Variants in SLC35F4 observed in about 807,000 individuals in gnomAD.
SLC35F4 encodes the protein solute carrier family 35 member F4, also known as chromosome 14 open reading frame 36.
A neutral mutation model predicts 44.2 loss-of-function variants in SLC35F4; 24 were observed. That is an observed-to-expected ratio of 0.54 (90% CI 0.39 to 0.76). SLC35F4 has a LOEUF of 0.76. Among genes scored for constraint, SLC35F4 ranks in the 30% least tolerant of loss-of-function variants. The pLI is 0.00. For synonymous variants in SLC35F4, 238 were observed against 223.6 expected (o/e 1.06, Z -0.57); for missense variants, 562 against 586.1 (o/e 0.96, Z 0.42).
intron 1 of SLC35F4, among the ~76,000 whole-genome samples, chr14:57,625,069 C>A (rs2072406259): frequency 6.6e-6 from 1 of 152,094 alleles, no homozygotes; most frequent in Non-Finnish European, 1.5e-5. Context: ...TCATCTCAGC[C>A]CAAAATCTCC....
At chr14:57,796,806 GCACACAAACACACATA>G (rs2078064096) in intron 1 of SLC35F4, among the ~76,000 whole-genome samples, 1 of 152,072 alleles carries the variant, frequency 6.6e-6, no homozygotes. Flanking sequence ...GCACACACTT[GCACACAAACACACATA>G]CACACAAACC....
rs1301794332 is a variant in SLC35F4 at position 57,956,266 on chromosome 14, T to C, written n.282+25647A>G. Reference sequence around the variant, plus strand: ...AGAAAACTGAAACTAGACCCCTTCCTTACACCTTATACAAAAAATTAGCTC... The same window carrying C: ...AGAAAACTGAAACTAGACCCCTTCCCTACACCTTATACAAAAAATTAGCTC... On this transcript the variant is annotated intron_variant and non_coding_transcript_variant, in intron 1 of 1. Transcript: ENST00000556568. Among the ~76,000 whole-genome samples the C allele has an allele frequency of 3.9e-5, 6 of 152,276 alleles. No individual in the cohort carries two copies. The East Asian group carries it at 7.7e-4, about 20-fold the overall frequency.
intron 1 of SLC35F4, among the ~76,000 whole-genome samples, chr14:57,841,296 G>C (rs867713510): frequency 6.6e-6 from 1 of 152,192 alleles, no homozygotes; most frequent in Non-Finnish European, 1.5e-5. Flanking sequence ...GTAGGTAGTA[G>C]AGACCAGGCA....
intron 1 of SLC35F4, among the ~76,000 whole-genome samples, chr14:57,936,032 C>T (rs1295912476): frequency 6.6e-6 from 1 of 152,178 alleles, no homozygotes; most frequent in Non-Finnish European, 1.5e-5. Context: ...TTTACTGCTT[C>T]TCTGAATTAC....
chr14:57,837,944 T>C (rs1885102437), intron 1 of SLC35F4, among the ~76,000 whole-genome samples: 1 of 152,236 alleles, frequency 6.6e-6, no homozygotes, highest in Non-Finnish European at 1.5e-5. Context: ...TTTTCCGTTT[T>C]ATGGTTACCA....
chr14:57,647,243 T>A (rs61539918), intron 1 of SLC35F4, among the ~76,000 whole-genome samples: 41,345 of 147,142 alleles, frequency 0.28, 5,967 homozygotes, highest in East Asian at 0.46. Flanking sequence ...CCCATTATTA[T>A]TGTGTGGGAG....
chr14:57,791,796 G>A (rs1184525932), intron 1 of SLC35F4, among the ~76,000 whole-genome samples: 2 of 152,142 alleles, frequency 1.3e-5, no homozygotes, highest in Non-Finnish European at 2.9e-5. Context: ...AAAAAAAGAT[G>A]AGTTCATGCC....
At position 57,888,045 on chromosome 14, in the gene SLC35F4, A is replaced by G. The variant is rs138079327; in HGVS notation, n.282+93868T>C. On this transcript the variant is annotated intron_variant and non_coding_transcript_variant, in intron 1 of 1. Coordinates refer to the SLC35F4 transcript ENST00000556568. ...CTGGCATCTCAGTTAAACTCTTTTA[A>G]AAGTCCCCCATGGAGTTCTTCATTG... Among the ~76,000 whole-genome samples the G allele has an allele frequency of 1.3e-5, 2 of 152,234 alleles. 1 individual carries two copies. The highest frequency in any genetic ancestry group is 3.9e-4 in the East Asian group (2 of 5,166).
intron 1 of SLC35F4, among the ~76,000 whole-genome samples, chr14:57,833,084 A>ACAAAAGTT (rs1375416584): frequency 6.6e-6 from 1 of 152,230 alleles, no homozygotes; most frequent in Non-Finnish European, 1.5e-5. Flanking sequence ...AAGAACAAGA[A>ACAAAAGTT]CAAAAGTTCT....
intron 1 of SLC35F4, among the ~76,000 whole-genome samples, chr14:57,863,097 C>A (rs1486159843): frequency 6.6e-6 from 1 of 152,182 alleles, no homozygotes. Flanking sequence ...GAACTCCCGG[C>A]CTCAAGCAAT....
chr14:57,672,447 A>ATCTT (rs1282340927), intron 1 of SLC35F4, among the ~76,000 whole-genome samples: 3 of 152,106 alleles, frequency 2.0e-5, no homozygotes, highest in Admixed American at 1.3e-4. Context: ...GATGACATAC[A>ATCTT]TCTTTCTAAT....
chr14:57,667,191 TGGGGGAGGGAGGGA>T (rs929665759), intron 1 of SLC35F4, among the ~76,000 whole-genome samples: 1 of 113,696 alleles, frequency 8.8e-6, no homozygotes, highest in African/African-American at 3.4e-5. Context: ...CCTGCAAGCA[TGGGGGAGGGAGGGA>T]AGGGGAGGGA....
intron 1 of SLC35F4, among the ~76,000 whole-genome samples, chr14:57,601,100 A>G (rs1409250145): frequency 6.6e-6 from 1 of 152,016 alleles, no homozygotes; most frequent in Admixed American, 6.5e-5. Flanking sequence ...TTTAATAAAT[A>G]AATATGTTTT....
chr14:57,864,983 C>A (rs970142550), intron 1 of SLC35F4, among the ~76,000 whole-genome samples: 4 of 152,116 alleles, frequency 2.6e-5, no homozygotes, highest in Non-Finnish European at 5.9e-5. Context: ...CGCCGCATGA[C>A]CTCGCTTAGC....
At chr14:57,917,191 G>T (rs1395833519) in intron 1 of SLC35F4, among the ~76,000 whole-genome samples, 2 of 152,100 alleles carry the variant, frequency 1.3e-5, no homozygotes, top group African/African-American at 4.8e-5. Flanking sequence ...CTCCCGAGTA[G>T]CTGGGATTAC....
chr14:57,770,909 G>C (rs994801538), intron 1 of SLC35F4, among the ~76,000 whole-genome samples: 1 of 152,092 alleles, frequency 6.6e-6, no homozygotes, highest in Non-Finnish European at 1.5e-5. Context: ...GCATACTCAG[G>C]GGATAAGATT....
intron 1 of SLC35F4, among the ~76,000 whole-genome samples, chr14:57,815,708 C>T (rs562070289): frequency 6.6e-6 from 1 of 152,168 alleles, no homozygotes; most frequent in East Asian, 1.9e-4. Flanking sequence ...CACATTATTC[C>T]CTTTTAGTCC....
chr14:57,812,664 G>C (rs749259634), intron 1 of SLC35F4, among the ~76,000 whole-genome samples: 1 of 152,050 alleles, frequency 6.6e-6, no homozygotes, highest in Non-Finnish European at 1.5e-5. Flanking sequence ...ATGACTTGGG[G>C]CAAGTTTGTT....
In SLC35F4 at chr14:57,879,431, C is replaced by T. The variant is rs543145103; in HGVS notation, n.282+102482G>A. 5.3e-5 allele frequency among the ~76,000 whole-genome samples: 8 copies of T among 152,164 alleles called. 1 individual carries two copies. Among genetic ancestry groups the T allele is most frequent in the Admixed American group, 1.3e-4 (2 of 15,276 alleles). On this transcript the variant is annotated intron_variant and non_coding_transcript_variant, in intron 1 of 1. Coordinates refer to the SLC35F4 transcript ENST00000556568. ...TCAAGCCTGAGCCCTAGGAGTCCCT[C>T]AACAAATGCCACAAATGCAATAGGG...
Sources: allele counts gnomAD v4.1 joint callset (sites outside exome capture counted in the v4.1 genomes callset), GRCh38; gene constraint gnomAD v4.1.1; transcripts MANE v1.5; gene names NCBI Gene and HGNC (gene_info 2026-07-23, HGNC 2026-07-21).